The following PPME1 variants were observed in gnomAD, a reference collection of about 807,000 sequenced individuals.
PPME1 encodes testicular secretory protein Li 39.
In PPME1, 17 loss-of-function variants were observed where a neutral mutation model predicts 56.9. That is an observed-to-expected ratio of 0.30 (90% CI 0.20 to 0.45). The LOEUF (loss-of-function observed/expected upper bound fraction) is 0.45. PPME1 is among the 20% of genes least tolerant of loss of function. The pLI is 1.00. For synonymous variants in PPME1, 122 were observed against 156.2 expected (o/e 0.78, Z 1.63); for missense variants, 357 against 483.2 (o/e 0.74, Z 2.45).
intron 1 of PPME1, among the ~76,000 whole-genome samples, chr11:74,175,925 C>T (rs1484663199): frequency 1.3e-5 from 2 of 152,174 alleles, no homozygotes; most frequent in Non-Finnish European, 2.9e-5. Flanking sequence ...CTTTCTATAG[C>T]TTGCATTGAA....
intron 1 of PPME1, among the ~76,000 whole-genome samples, chr11:74,173,594 T>G (rs554027920): frequency 6.6e-6 from 1 of 152,308 alleles, no homozygotes; most frequent in African/African-American, 2.4e-5. Flanking sequence ...CAGGCTAGAG[T>G]GCAGTGGCAC....
At chr11:74,171,553 G>C (rs1365580442) in intron 1 of PPME1, 31 bp downstream of exon 1, 2 of 1,582,322 alleles carry the variant, frequency 1.3e-6, no homozygotes, top group African/African-American at 2.7e-5. Flanking sequence ...CTCCCTATGG[G>C]CCAGGCCCCA....
In PPME1 at chr11:74,217,541, C is replaced by CA. The variant is rs61139169; in HGVS notation, c.289-4749dup. ...TGGGTGACACAGCAAGACTCCGTCT[C>CA]AAAAAAAAAAAAAAAAAAAAAAGGA... On this transcript the variant is annotated intron_variant, in intron 3 of 13. Transcript: ENST00000328257. Among the ~76,000 whole-genome samples, 598 of 78,632 alleles carry CA rather than the reference C, an allele frequency of 7.6e-3. 3 individuals are homozygous for CA. Among genetic ancestry groups the CA allele is most frequent in the East Asian group, 0.02 (53 of 2,650 alleles). The allele number at this position is 78,632 out of a possible 152,430, so 51.6% of individuals were successfully genotyped here.
At chr11:74,178,177 CT>C (rs1271611985) in intron 1 of PPME1, among the ~76,000 whole-genome samples, 2 of 152,122 alleles carry the variant, frequency 1.3e-5, no homozygotes, top group Non-Finnish European at 2.9e-5. Flanking sequence ...TGCTTGTCAC[CT>C]TATGGTTGCA....
chr11:74,183,624 A>G (rs549960025), intron 1 of PPME1, among the ~76,000 whole-genome samples: 1 of 152,270 alleles, frequency 6.6e-6, no homozygotes, highest in African/African-American at 2.4e-5. Context: ...AAAATGTAAA[A>G]TGAATTCTAA....
chr11:74,240,723 T>C (rs1859334717), intron 9 of PPME1, among the ~76,000 whole-genome samples: 1 of 152,202 alleles, frequency 6.6e-6, no homozygotes, highest in Non-Finnish European at 1.5e-5. Context: ...CCTTATGAGG[T>C]GTGGAGAGAT....
At chr11:74,181,895 C>G (rs1287400525) in intron 1 of PPME1, among the ~76,000 whole-genome samples, 1 of 152,360 alleles carries the variant, frequency 6.6e-6, no homozygotes, top group Non-Finnish European at 1.5e-5. Flanking sequence ...CTGAATGTGT[C>G]TGTGTTCTAA....
intron 3 of PPME1, among the ~76,000 whole-genome samples, chr11:74,212,163 G>T (rs548663543): frequency 6.6e-6 from 1 of 152,182 alleles, no homozygotes; most frequent in Non-Finnish European, 1.5e-5. Context: ...CAGTGGTTGC[G>T]TGGAACGGAG....
chr11:74,250,857 G>C (rs987727447), intron 11 of PPME1, 97 bp from the exon 12 acceptor site: 1 of 997,554 alleles, frequency 1.0e-6, no homozygotes, highest in East Asian at 2.6e-5. Flanking sequence ...GGTTGGAAAT[G>C]GGGAGGTAGG....
At chr11:74,188,694 C>A (rs1565377444) in intron 1 of PPME1, among the ~76,000 whole-genome samples, 1 of 152,138 alleles carries the variant, frequency 6.6e-6, no homozygotes, top group Non-Finnish European at 1.5e-5. Flanking sequence ...CTCAAAATAA[C>A]AAACTGTGCT....
intron 1 of PPME1, among the ~76,000 whole-genome samples, chr11:74,174,056 A>G (rs552115983): frequency 3.3e-5 from 5 of 152,272 alleles, no homozygotes; most frequent in Admixed American, 2.6e-4. Flanking sequence ...TCTAAGTCTC[A>G]TGGTAGTAAT....
At chr11:74,236,332 G>A (rs992992381) in intron 8 of PPME1, among the ~76,000 whole-genome samples, 1 of 152,174 alleles carries the variant, frequency 6.6e-6, no homozygotes, top group Admixed American at 6.5e-5. Context: ...CTGGCTGTGA[G>A]GGAATTATAA....
chr11:74,189,825 G>C (rs971481387), intron 1 of PPME1, among the ~76,000 whole-genome samples: 1 of 152,066 alleles, frequency 6.6e-6, no homozygotes, highest in Non-Finnish European at 1.5e-5. Flanking sequence ...AGTATTTTGG[G>C]GGTTAGGGCC....
chr11:74,235,342 T>G (rs567490642), intron 7 of PPME1, among the ~76,000 whole-genome samples: 1 of 152,184 alleles, frequency 6.6e-6, no homozygotes, highest in Non-Finnish European at 1.5e-5. Context: ...TCCAATCCTA[T>G]TCTGTCACGC....
chr11:74,240,650 T>G (rs990384666), intron 9 of PPME1, among the ~76,000 whole-genome samples: 3 of 152,260 alleles, frequency 2.0e-5, no homozygotes, highest in African/African-American at 7.2e-5. Context: ...AATGTAATAC[T>G]TTGTACCTCT....
chr11:74,196,669 A>G (rs896216537), intron 1 of PPME1, among the ~76,000 whole-genome samples: 2 of 152,020 alleles, frequency 1.3e-5, no homozygotes, highest in East Asian at 1.9e-4. Flanking sequence ...AAGAACAGCT[A>G]CTCCATAGAC....
At chr11:74,181,104 G>A (rs1490233269) in intron 1 of PPME1, among the ~76,000 whole-genome samples, 1 of 149,828 alleles carries the variant, frequency 6.7e-6, no homozygotes, top group Non-Finnish European at 1.5e-5. Context: ...GACTGCAGTG[G>A]CGCAATCTCG....
intron 1 of PPME1, among the ~76,000 whole-genome samples, chr11:74,183,837 CA>C (rs2135596043): frequency 6.6e-6 from 1 of 152,180 alleles, no homozygotes; most frequent in South Asian, 2.1e-4. Context: ...TGTCCTAAGG[CA>C]GTTAGCATTT....
intron 3 of PPME1, among the ~76,000 whole-genome samples, chr11:74,213,010 G>C (rs370104968): frequency 9.2e-5 from 14 of 152,146 alleles, no homozygotes; most frequent in Admixed American, 2.0e-4. Context: ...AGGTGCCAGT[G>C]GGGTAGAGCA....
Sources: gnomAD v4.1 joint callset for allele counts (sites outside exome capture counted in the v4.1 genomes callset) on GRCh38, gnomAD v4.1.1 for gene constraint, MANE v1.5 for transcripts, NCBI Gene and HGNC (gene_info 2026-07-23, HGNC 2026-07-21) for gene names.